Variants in R3HDM2 observed in about 807,000 individuals in gnomAD.
R3HDM2 encodes the protein R3H domain-containing protein 2.
Under a neutral mutation model 124.5 loss-of-function variants are expected in R3HDM2, and 38 were observed. That is an observed-to-expected ratio of 0.31 (90% CI 0.24 to 0.40). The LOEUF is 0.40. R3HDM2 is among the 10% of genes least tolerant of loss of function. R3HDM2 has a pLI of 1.00. For missense variants in R3HDM2, 869 were observed against 1,236.9 expected (o/e 0.70, Z 4.46); for synonymous variants, 391 against 448.0 (o/e 0.87, Z 1.61).
chr12:57,376,981 A>T (rs2064146834), intron 2 of R3HDM2, among the ~76,000 whole-genome samples: 1 of 151,610 alleles, frequency 6.6e-6, no homozygotes, highest in African/African-American at 2.4e-5. Context: ...AATTTTAAAA[A>T]AGGGGCAACC....
chr12:57,300,782 AGG>A (rs768177570), intron 4 of R3HDM2, among the ~76,000 whole-genome samples: 2 of 152,194 alleles, frequency 1.3e-5, no homozygotes, highest in Non-Finnish European at 2.9e-5. Context: ...TGAGATGCCA[AGG>A]GTTTGGAAAG....
Position 57,355,456 on chromosome 12 carries a change from CA to C in R3HDM2, c.-36+40292del, listed in dbSNP as rs1275868390. Among the ~76,000 whole-genome samples, 208 of 51,160 alleles carry C rather than the reference CA, an allele frequency of 4.1e-3. 1 individual carries two copies. The highest frequency in any genetic ancestry group is 8.4e-3 in the South Asian group (12 of 1,436). 33.6% of individuals were successfully genotyped at this position (51,160 alleles called of 152,430 possible). ...CCTGGGCAACAGAGCGAGACTGTCT[CA>C]AAAAAAAAAAAAAAAGAAAGAAAAA... On this transcript the variant is annotated intron_variant, in intron 2 of 23. Coordinates refer to ENST00000402412, the MANE Select transcript of R3HDM2 (RefSeq NM_001394031.1).
At chr12:57,400,563 C>T (rs1481811574) in intron 1 of R3HDM2, among the ~76,000 whole-genome samples, 1 of 151,906 alleles carries the variant, frequency 6.6e-6, no homozygotes, top group African/African-American at 2.4e-5. Flanking sequence ...GCACATGTAC[C>T]CTAGAACTTA....
chr12:57,427,303 T>A (rs1251689900), intron 1 of R3HDM2, among the ~76,000 whole-genome samples: 46 of 136,222 alleles, frequency 3.4e-4, no homozygotes, highest in Admixed American at 1.4e-3. Context: ...AAAAAATAAA[T>A]AAATAATAAT....
At chr12:57,260,794 A>G (rs1008655204) in intron 19 of R3HDM2, among the ~76,000 whole-genome samples, 7 of 152,144 alleles carry the variant, frequency 4.6e-5, no homozygotes, top group Non-Finnish European at 1.0e-4. Context: ...ATGACGGGAA[A>G]TGTTGCAGCC....
chr12:57,280,579 C>G (rs1056779639), intron 13 of R3HDM2, 49 bp from the exon 14 acceptor site: 4 of 1,496,598 alleles, frequency 2.7e-6, no homozygotes, highest in Admixed American at 2.2e-5. Flanking sequence ...AAGCCACGAA[C>G]ACATTATCCC....
chr12:57,328,432 AATC>A (rs2057639571), intron 2 of R3HDM2, among the ~76,000 whole-genome samples: 1 of 152,176 alleles, frequency 6.6e-6, no homozygotes, highest in Admixed American at 6.6e-5. Flanking sequence ...ATCAGTCAGC[AATC>A]ATCAACCTTG....
At chr12:57,307,142 G>A (rs1044007045) in intron 3 of R3HDM2, among the ~76,000 whole-genome samples, 1 of 152,196 alleles carries the variant, frequency 6.6e-6, no homozygotes, top group African/African-American at 2.4e-5. Context: ...TTCACTTGCT[G>A]ATCCCAAGGA....
At chr12:57,323,892 T>C (rs1434211343) in intron 2 of R3HDM2, among the ~76,000 whole-genome samples, 1 of 152,154 alleles carries the variant, frequency 6.6e-6, no homozygotes, top group Non-Finnish European at 1.5e-5. Context: ...AATGCTTCCA[T>C]TTCCTCTAGC....
intron 2 of R3HDM2, among the ~76,000 whole-genome samples, chr12:57,354,020 A>G (rs2060964819): frequency 6.6e-6 from 1 of 151,610 alleles, no homozygotes; most frequent in Non-Finnish European, 1.5e-5. Flanking sequence ...CACCCAGCTA[A>G]TTTTTGTATT....
chr12:57,387,338 G>A (rs542346413), intron 2 of R3HDM2, among the ~76,000 whole-genome samples: 28 of 152,042 alleles, frequency 1.8e-4, no homozygotes, highest in Non-Finnish European at 3.4e-4. Context: ...GCGAGACCAC[G>A]AACCCACCAG....
At chr12:57,353,526 C>A (rs1457564612) in intron 2 of R3HDM2, among the ~76,000 whole-genome samples, 1 of 152,014 alleles carries the variant, frequency 6.6e-6, no homozygotes, top group Admixed American at 6.6e-5. Flanking sequence ...ATAGATAAAG[C>A]ATAATTTATT....
chr12:57,269,646 T>C (rs1592506949), intron 15 of R3HDM2, 106 bp downstream of exon 15: 5 of 1,515,252 alleles, frequency 3.3e-6, no homozygotes, highest in Non-Finnish European at 4.5e-6. Context: ...AAGTGCAAGG[T>C]AGGGAGAGGT....
intron 2 of R3HDM2, among the ~76,000 whole-genome samples, chr12:57,387,069 G>T (rs923850272): frequency 6.6e-6 from 1 of 152,082 alleles, no homozygotes; most frequent in African/African-American, 2.4e-5. Flanking sequence ...TTTGTGTCTA[G>T]CTCAGGGACT....
intron 1 of R3HDM2, among the ~76,000 whole-genome samples, chr12:57,407,976 C>A (rs911426405): frequency 2.6e-5 from 4 of 152,176 alleles, no homozygotes; most frequent in Admixed American, 1.3e-4. Context: ...GTTGCCCAGG[C>A]TGGAGTGCAG....
chr12:57,278,998 G>A (rs762930035), intron 14 of R3HDM2, among the ~76,000 whole-genome samples: 1 of 151,968 alleles, frequency 6.6e-6, no homozygotes, highest in Admixed American at 6.6e-5. Flanking sequence ...GGATGAGGGA[G>A]CCTGGGAGGT....
intron 19 of R3HDM2, among the ~76,000 whole-genome samples, chr12:57,260,988 C>T (rs777775699): frequency 6.6e-5 from 10 of 152,192 alleles, no homozygotes; most frequent in Non-Finnish European, 1.2e-4. Context: ...AGTCAGAGAG[C>T]ACAAATACTC....
chr12:57,327,295 C>T (rs1028328445), intron 2 of R3HDM2, among the ~76,000 whole-genome samples: 2 of 151,952 alleles, frequency 1.3e-5, no homozygotes, highest in Non-Finnish European at 2.9e-5. Flanking sequence ...GGTGAAACCC[C>T]ATCTCTACTA....
chr12:57,261,795 A>C (rs2040915620), intron 19 of R3HDM2, among the ~76,000 whole-genome samples: 1 of 148,424 alleles, frequency 6.7e-6, no homozygotes, highest in Admixed American at 6.7e-5. Context: ...GCCCAGTGAC[A>C]GCACTTCCAT....
Sources: gnomAD v4.1 joint callset for allele counts (sites outside exome capture counted in the v4.1 genomes callset) on GRCh38, gnomAD v4.1.1 for gene constraint, MANE v1.5 for transcripts, NCBI Gene and HGNC (gene_info 2026-07-23, HGNC 2026-07-21) for gene names.